The following DUOX1 variants were observed in gnomAD, a reference collection of about 807,000 sequenced individuals.
The protein encoded by DUOX1 is dual oxidase 1, also known as NADPH thyroid oxidase 1.
A neutral mutation model predicts 181.8 loss-of-function variants in DUOX1; 134 were observed. That is an observed-to-expected ratio of 0.74 (90% CI 0.64 to 0.85). DUOX1 has a LOEUF of 0.85. DUOX1 is among the 40% of genes least tolerant of loss of function. The pLI, the probability that DUOX1 is intolerant of heterozygous loss-of-function variation, is 0.00. For missense variants in DUOX1, 1,814 were observed against 2,064.4 expected (o/e 0.88, Z 2.35); for synonymous variants, 798 against 832.5 (o/e 0.96, Z 0.71).
chr15:45,134,069 G>A (rs533210642), intron 3 of DUOX1, 76 bp from the exon 4 acceptor site: 3 of 1,548,008 alleles, frequency 1.9e-6, no homozygotes, highest in East Asian at 2.3e-5. Context: ...TCCATGACAT[G>A]GAGGAAAGCC....
intron 9 of DUOX1, among the ~76,000 whole-genome samples, chr15:45,137,078 T>G (rs935002812): frequency 9.3e-5 from 14 of 150,880 alleles, no homozygotes; most frequent in African/African-American, 3.4e-4. Context: ...CCGGGAGCAG[T>G]GGCTCACGCC....
intron 33 of DUOX1, 48 bp from the exon 34 acceptor site, chr15:45,164,731 C>T (rs1244012832): frequency 6.2e-7 from 1 of 1,612,918 alleles, no homozygotes; most frequent in East Asian, 2.2e-5. Context: ...CTGCGTTATC[C>T]CTGCCTCTGA....
chr15:45,138,877 T>G, intron 10 of DUOX1, 189 bp from the exon 11 acceptor site: 2 of 596,868 alleles, frequency 3.4e-6, no homozygotes, highest in Non-Finnish European at 5.9e-6. Context: ...CAGGCAGCAC[T>G]GACAGAGGGG....
intron 13 of DUOX1, 54 bp downstream of exon 13, chr15:45,141,124 CCT>C: frequency 6.2e-7 from 1 of 1,607,484 alleles, no homozygotes; most frequent in Non-Finnish European, 8.5e-7. Flanking sequence ...GGCCCCAGAC[CCT>C]CTTTCTGGCC....
chr15:45,153,308 G>A (rs1476761380), intron 25 of DUOX1, 72 bp from the exon 26 acceptor site: 54 of 1,207,604 alleles, frequency 4.5e-5, no homozygotes, highest in South Asian at 7.2e-5. Context: ...CAGGGTCCTC[G>A]ATCTTGGGCT....
At chr15:45,138,192 A>G (rs1595578498) in intron 10 of DUOX1, among the ~76,000 whole-genome samples, 178 bp downstream of exon 10, 1 of 152,038 alleles carries the variant, frequency 6.6e-6, no homozygotes, top group South Asian at 2.1e-4. Flanking sequence ...GACCTCAGGC[A>G]TCTCCCCTAC....
chr15:45,150,726 G>T (rs761793203), intron 22 of DUOX1, 25 bp downstream of exon 22: 9 of 1,612,482 alleles, frequency 5.6e-6, no homozygotes, highest in Middle Eastern at 1.7e-4. Flanking sequence ...GGGAATGTCG[G>T]GGGGAGGAGT....
chr15:45,141,443 G>A, intron 14 of DUOX1, 33 bp downstream of exon 14: 2 of 1,608,326 alleles, frequency 1.2e-6, no homozygotes, highest in Non-Finnish European at 1.7e-6. Context: ...GAGGAGTGGT[G>A]GGTCTGGAGC....
rs1003331835 is a variant in DUOX1, at chr15:45,141,196, T to G, written c.1566-96T>G. ...AGCCCACCACCCACTTCCCAACACC[T>G]CTGGGTCTCTTTTCTCACCTGGGTC... On this transcript the variant is annotated intron_variant, in intron 13 of 33. Transcript: ENST00000389037. The G allele has an allele frequency of 3.2e-6, 5 of 1,562,018 alleles. No homozygotes were observed. The African/African-American group carries it at 5.4e-5, about 17-fold the overall frequency.
chr15:45,135,572 G>A lies in DUOX1; in HGVS notation c.594G>A (p.Ala198=), dbSNP rs1310325530. 3 of 1,560,596 alleles carry A rather than the reference G, an allele frequency of 1.9e-6. No homozygotes were observed. Among genetic ancestry groups the A allele is most frequent in the South Asian group, 1.2e-5 (1 of 85,110 alleles). The change falls in exon 6 of 34, where the codon GCG becomes GCA. Residue 198 remains alanine, a synonymous_variant. Coordinates refer to ENST00000389037, the MANE Select transcript of DUOX1 (RefSeq NM_175940.3). ...GGAGCTTCTCCAGGGGACAGCTGGCGTCGGGGCCCGACCCCGCTTTTCCCC... is the reference window on the plus strand; with the variant it reads ...GGAGCTTCTCCAGGGGACAGCTGGCATCGGGGCCCGACCCCGCTTTTCCCC... ...ALRSFSRGQL[A]SGPDPAFPRD...
intron 20 of DUOX1, 69 bp from the exon 21 acceptor site, chr15:45,148,203 G>T: frequency 6.2e-7 from 1 of 1,604,868 alleles, no homozygotes; most frequent in African/African-American, 1.3e-5. Flanking sequence ...GTGCGATGGA[G>T]TCAGTGTGTC....
At chr15:45,148,104 C>T in intron 20 of DUOX1, 107 bp downstream of exon 20, 2 of 1,430,032 alleles carry the variant, frequency 1.4e-6, no homozygotes, top group African/African-American at 1.4e-5. Context: ...AAGCCTCCTC[C>T]TTACCCATGT....
intron 9 of DUOX1, among the ~76,000 whole-genome samples, chr15:45,137,332 C>T (rs1595577709): frequency 7.6e-6 from 1 of 132,176 alleles, no homozygotes; most frequent in East Asian, 2.5e-4. Flanking sequence ...TGCACTCCGG[C>T]CTGGACAACA....
chr15:45,153,494 A>ATGTGTGTGTG lies in DUOX1; in HGVS notation c.3524+59_3524+68dup, dbSNP rs58154992. ...CATGATGATGGGTGAGTAAGTGCGA[A>ATGTGTGTGTG]TGTGTGTGTGTGTGTGTGTGTGTGT... On this transcript the variant is annotated intron_variant, in intron 26 of 33. Coordinates refer to ENST00000389037, the MANE Select transcript of DUOX1 (RefSeq NM_175940.3). 7 of 886,638 alleles carry ATGTGTGTGTG rather than the reference A, an allele frequency of 7.9e-6. No homozygotes were observed. In the East Asian group the frequency reaches 1.0e-4, roughly 13 times the overall value. The allele number at this position is 886,638 out of a possible 1,614,324, so 54.9% of individuals were successfully genotyped here.
chr15:45,149,762 G>C (rs914633923), intron 21 of DUOX1, among the ~76,000 whole-genome samples: 1 of 152,190 alleles, frequency 6.6e-6, no homozygotes, highest in African/African-American at 2.4e-5. Context: ...TGAGGCACAA[G>C]AATCGCTTGA....
At chr15:45,145,616 G>A (rs1398732182) in intron 18 of DUOX1, among the ~76,000 whole-genome samples, 1 of 152,070 alleles carries the variant, frequency 6.6e-6, no homozygotes, top group Non-Finnish European at 1.5e-5. Flanking sequence ...GAGAAACATG[G>A]TAGATAAAGA....
intron 15 of DUOX1, among the ~76,000 whole-genome samples, chr15:45,142,789 G>GGAAGGAAGGAAGGCAGGAAGGAAGGA: frequency 7.2e-6 from 1 of 139,762 alleles, no homozygotes; most frequent in Admixed American, 7.4e-5. Context: ...GGAAGGAAGG[G>GGAAGGAAGGAAGGCAGGAAGGAAGGA]AGGGAGGAAG....
intron 33 of DUOX1, among the ~76,000 whole-genome samples, chr15:45,164,245 C>T (rs1897174747): frequency 6.6e-6 from 1 of 152,168 alleles, no homozygotes; most frequent in African/African-American, 2.4e-5. Flanking sequence ...ACCCTGGACA[C>T]TGAGGGAACC....
intron 28 of DUOX1, among the ~76,000 whole-genome samples, chr15:45,157,563 T>C (rs1337223720): frequency 6.6e-6 from 1 of 152,144 alleles, no homozygotes; most frequent in Non-Finnish European, 1.5e-5. Context: ...CTCACATCTG[T>C]AATCCAGCAC....
Sources: allele counts gnomAD v4.1 joint callset (sites outside exome capture counted in the v4.1 genomes callset), GRCh38; gene constraint gnomAD v4.1.1; transcripts MANE v1.5; gene names NCBI Gene and HGNC (gene_info 2026-07-23, HGNC 2026-07-21).